LOXHD1: variants seen among roughly 807,000 people sequenced by gnomAD.
The protein encoded by LOXHD1 is lipoxygenase homology domain-containing protein 1.
LOXHD1 carries 205 observed loss-of-function variants against 248.2 expected under a neutral mutation model. That is an observed-to-expected ratio of 0.83 (90% CI 0.74 to 0.93). The LOEUF (loss-of-function observed/expected upper bound fraction) is 0.93, where lower values mean the gene tolerates loss of function less well. LOXHD1 is among the 40% of genes least tolerant of loss of function. The probability of loss-of-function intolerance (pLI) is 0.00; values close to 1 mark genes in which losing one functional copy is unlikely to be tolerated. For synonymous variants in LOXHD1, 1,113 were observed against 1,162.8 expected, an observed-to-expected ratio of 0.96 and a Z score of 0.87; for missense variants, 2,930 against 2,971.6, an observed-to-expected ratio of 0.99 and a Z score of 0.33.
intron 21 of LOXHD1, among the ~76,000 whole-genome samples, chr18:46,556,052 A>T (rs2037316610): frequency 6.6e-6 from 1 of 151,312 alleles, no homozygotes; most frequent in Non-Finnish European, 1.5e-5. Flanking sequence ...ATTTTTTGAC[A>T]TGTGAAAATT....
chr18:46,587,935 C>T (rs1863447749), intron 12 of LOXHD1, among the ~76,000 whole-genome samples: 1 of 152,130 alleles, frequency 6.6e-6, no homozygotes, highest in South Asian at 2.1e-4. Flanking sequence ...GCATTAATTG[C>T]TTATTTGGCT....
chr18:46,525,216 G>T (rs1364368965), intron 29 of LOXHD1, among the ~76,000 whole-genome samples: 4 of 152,192 alleles, frequency 2.6e-5, no homozygotes, highest in African/African-American at 9.6e-5. Flanking sequence ...TGTGTAAGGG[G>T]GCTGGGACCT....
intron 25 of LOXHD1, among the ~76,000 whole-genome samples, chr18:46,540,723 T>C (rs1054957518): frequency 1.4e-5 from 2 of 147,734 alleles, no homozygotes; most frequent in African/African-American, 2.5e-5. Flanking sequence ...GATACGTTTG[T>C]CCTCAAGGGT....
In LOXHD1 at chr18:46,509,920, C is replaced by G; in HGVS notation, c.5400-105G>C. On this transcript the variant is annotated intron_variant, in intron 34 of 40. Transcript: ENST00000642948. ...TTTGGGGTGAGGGAGAAGATTAGGC[C>G]TTTACTCAGCAGCCCCTCTGCTCTC... The G allele has an allele frequency of 5.1e-6, 4 of 786,726 alleles. No homozygotes were observed. In the East Asian group the frequency reaches 8.0e-5, roughly 16 times the overall value. 48.7% of individuals were successfully genotyped at this position (786,726 alleles called of 1,614,324 possible). A position where few individuals can be genotyped will look rare whatever the true frequency, so the allele number is the denominator to read the frequency against.
At chr18:46,484,068 T>C (rs1018070303) in intron 39 of LOXHD1, among the ~76,000 whole-genome samples, 2 of 152,034 alleles carry the variant, frequency 1.3e-5, no homozygotes, top group Non-Finnish European at 2.9e-5. Context: ...AACAGACATG[T>C]CTTAGCAAAG....
intron 3 of LOXHD1, 21 bp downstream of exon 3, chr18:46,641,935 A>C (rs1194693911): frequency 3.2e-6 from 5 of 1,548,640 alleles, no homozygotes; most frequent in Non-Finnish European, 4.4e-6. Flanking sequence ...CCTCAATCCT[A>C]GTCAGGCGCC....
In LOXHD1 at chr18:46,521,263, G is replaced by A. The variant is rs1472624862; in HGVS notation, c.5105C>T (p.Ser1702Phe). The A allele has an allele frequency of 6.4e-7, 1 of 1,551,728 alleles. No individual in the cohort carries two copies. Among genetic ancestry groups the A allele is most frequent in the South Asian group, 1.2e-5 (1 of 84,060 alleles). The part of the protein sequence containing the change: ...KKIELGHDGA[S>F]PESCWLVEEL... ...TTCCACCAGCCAGCAGCTCTCAGGG[G>A]AGGCCCCGTCATGGCCCAGCTAGGA... The change falls in exon 33 of 41, where the codon TCC becomes TTC. Residue 1702 changes from serine to phenylalanine, a missense_variant. Physicochemically the swap from Ser to Phe is radical, Grantham distance 155. Transcript: ENST00000642948.
chr18:46,521,967 C>G (rs2035596718), intron 32 of LOXHD1, 134 bp downstream of exon 32: 1 of 719,196 alleles, frequency 1.4e-6, no homozygotes, highest in African/African-American at 1.8e-5. Flanking sequence ...GTTGGTTCTT[C>G]TCTGCTACCT....
At chr18:46,566,936 C>T (rs1336799908) in intron 16 of LOXHD1, among the ~76,000 whole-genome samples, 1 of 152,224 alleles carries the variant, frequency 6.6e-6, no homozygotes, top group Non-Finnish European at 1.5e-5. Flanking sequence ...CTGAAGGTGA[C>T]AGACTATGCA....
intron 37 of LOXHD1, among the ~76,000 whole-genome samples, chr18:46,490,480 T>C (rs1786926653): frequency 6.6e-6 from 1 of 152,256 alleles, no homozygotes; most frequent in African/African-American, 2.4e-5. Context: ...AAGTTACTTA[T>C]TTATTTATTT....
chr18:46,563,352 AT>A, intron 17 of LOXHD1, 127 bp from the exon 18 acceptor site: 1 of 908,952 alleles, frequency 1.1e-6, no homozygotes, highest in Non-Finnish European at 1.6e-6. Context: ...CACTTATCTA[AT>A]CCTCTCCTCA....
intron 28 of LOXHD1, among the ~76,000 whole-genome samples, chr18:46,531,816 T>C (rs2036084969): frequency 6.6e-6 from 1 of 152,154 alleles, no homozygotes; most frequent in Admixed American, 6.5e-5. Flanking sequence ...GGGACAGCAT[T>C]CCAGGGCATC....
In LOXHD1 at chr18:46,594,394, C is replaced by A; in HGVS notation, c.1207G>T (p.Ala403Ser). ...AGCTGCCTCTCAATCAACCCATCCG[C>A]TTTCTTCTCATCCAGCCAGTTGCTA... Reference protein sequence around the residue: ...PCSNWLDEKKADGLIERQLYE... With the variant: ...PCSNWLDEKKSDGLIERQLYE... Residue 403 changes from alanine to serine, a missense_variant, in exon 9 of 41, where the codon GCG becomes TCG. Transcript: ENST00000642948. The A allele has an allele frequency of 6.4e-7, 1 of 1,551,714 alleles. No homozygotes were observed. The highest frequency in any genetic ancestry group is 8.7e-7 in the Non-Finnish European group (1 of 1,147,000).
intron 14 of LOXHD1, 99 bp from the exon 15 acceptor site, chr18:46,572,261 T>C: frequency 9.4e-7 from 1 of 1,064,974 alleles, no homozygotes; most frequent in Non-Finnish European, 1.4e-6. Context: ...GCCCAGAGCT[T>C]TGACTTTAGC....
At chr18:46,651,268 C>A (rs1351924044) in intron 1 of LOXHD1, among the ~76,000 whole-genome samples, 8 of 152,072 alleles carry the variant, frequency 5.3e-5, no homozygotes, top group Non-Finnish European at 1.2e-4. Context: ...ATCGAGGCAC[C>A]ATTAGGGGGA....
Position 46,487,615 on chromosome 18 carries a change from T to C in LOXHD1, c.6049+1357A>G, listed in dbSNP as rs929255522. ...ATCAGAATCCTCCCCAGAATCCTCC[T>C]AGAGGATCTGTGTATGGAACTTAAG... On this transcript the variant is annotated intron_variant, in intron 38 of 40. Transcript: ENST00000642948. Among the ~76,000 whole-genome samples, 4 of 152,212 alleles carry C rather than the reference T, an allele frequency of 2.6e-5. No homozygotes were observed. In the East Asian group the frequency reaches 5.8e-4, roughly 22 times the overall value.
chr18:46,558,939 C>T lies in LOXHD1; in HGVS notation c.3216+509G>A, dbSNP rs4243280. ...AAGCTTATCCACTGGGGCTTAGCACCGACCACAGCTCAGCTGGAAGACACA... is the reference window on the plus strand; with the variant it reads ...AAGCTTATCCACTGGGGCTTAGCACTGACCACAGCTCAGCTGGAAGACACA... On this transcript the variant is annotated intron_variant, in intron 20 of 40. Coordinates refer to ENST00000642948, the MANE Select transcript of LOXHD1 (RefSeq NM_001384474.1). 0.85 allele frequency: 328,011 copies of T among 385,074 alleles called. 141,706 individuals carry two copies. The highest frequency in any genetic ancestry group is 0.98 in the East Asian group (13,386 of 13,706). 23.9% of individuals were successfully genotyped at this position (385,074 alleles called of 1,614,324 possible). A position where few individuals can be genotyped will look rare whatever the true frequency, so the allele number is the denominator to read the frequency against.
chr18:46,488,083 T>G (rs1363833162), intron 38 of LOXHD1, among the ~76,000 whole-genome samples: 2 of 152,202 alleles, frequency 1.3e-5, no homozygotes, highest in Admixed American at 1.3e-4. Flanking sequence ...GGAGTTGGCC[T>G]GCAAGCTGGA....
In LOXHD1 at chr18:46,560,311, C is replaced by T. The variant is rs2037493373; in HGVS notation, c.2833G>A (p.Gly945Ser). The change falls in exon 19 of 41, where the codon GGC (glycine) becomes AGC (serine). Residue 945 changes from glycine (G) to serine (S), a missense_variant. By Grantham distance (56) the Gly-to-Ser change is moderately conservative. Coordinates refer to ENST00000642948, the MANE Select transcript of LOXHD1 (RefSeq NM_001384474.1). ...KLQRKKKKRKGSDEEDEGEEE... is the reference protein window; with the variant it reads ...KLQRKKKKRKSSDEEDEGEEE... ...TCCCCCTCGTCCTCTTCGTCGCTGC[C>T]CTTCCTCTTCTTCTTCTTCCTCTGC... The T allele has an allele frequency of 4.5e-6, 7 of 1,544,486 alleles. No homozygotes were observed. Among genetic ancestry groups the T allele is most frequent in the Non-Finnish European group, 5.3e-6 (6 of 1,140,344 alleles).
Sources: allele counts gnomAD v4.1 joint callset (sites outside exome capture counted in the v4.1 genomes callset), GRCh38; gene constraint gnomAD v4.1.1; transcripts MANE v1.5; gene names NCBI Gene and HGNC (gene_info 2026-07-23, HGNC 2026-07-21).